The following SYNE2 variants were observed in gnomAD, a reference collection of about 807,000 sequenced individuals.
SYNE2 encodes spectrin repeat containing nuclear envelope protein 2.
A neutral mutation model predicts 856.3 loss-of-function variants in SYNE2; 431 were observed. The observed-to-expected ratio is 0.50, with a 90% CI of 0.47 to 0.55. The LOEUF (loss-of-function observed/expected upper bound fraction) is 0.55. Among genes scored for constraint, SYNE2 ranks in the 20% least tolerant of loss-of-function variants. SYNE2 has a pLI of 0.00. For synonymous variants in SYNE2, 2,923 were observed against 2,872.3 expected (o/e 1.02, Z -0.56); for missense variants, 8,129 against 8,023.2 (o/e 1.01, Z -0.50).
rs375810558 is a variant in SYNE2 at position 64,122,375 on chromosome 14, A to G, written c.13370A>G (p.His4457Arg). ...GGAGATAAGTGGCAATATCTGCATC[A>G]TGAACTCTCATCAAAAATAAAGCTC... ...QNGDKWQYLHHELSSKIKLPL... is the reference protein window; with the variant it reads ...QNGDKWQYLHRELSSKIKLPL... The change falls in exon 70 of 116, where the codon CAT becomes CGT. Residue 4457 changes from histidine to arginine, a missense_variant. His to Arg is a conservative substitution (Grantham distance 29). This residue lies in a region of SYNE2 where 5,410 missense variants were observed against 5,284.8 expected (regional missense o/e 1.02). Coordinates refer to ENST00000555002, the MANE Select transcript of SYNE2 (RefSeq NM_182914.3). 1.9e-6 allele frequency: 3 copies of G among 1,614,096 alleles called. No individual in the cohort carries two copies. The highest frequency in any genetic ancestry group is 2.7e-5 in the African/African-American group (2 of 74,934).
chr14:63,873,625 C>T (rs1382735219), intron 1 of SYNE2: 7 of 152,240 alleles, frequency 4.6e-5, no homozygotes, highest in African/African-American at 7.2e-5. Context: ...CTCCTGACCT[C>T]GTGATCCACC....
intron 1 of SYNE2, among the ~76,000 whole-genome samples, chr14:63,814,804 A>G (rs1369580753): frequency 1.6e-5 from 2 of 122,070 alleles, no homozygotes; most frequent in African/African-American, 6.3e-5. Flanking sequence ...ATATCCATAT[A>G]TATCCATATA....
At chr14:64,017,350 A>G (rs984772227) in intron 33 of SYNE2, among the ~76,000 whole-genome samples, 4 of 151,342 alleles carry the variant, frequency 2.6e-5, no homozygotes, top group East Asian at 1.9e-4. Context: ...AAAAAAAAAA[A>G]AAAGAAATTA....
intron 99 of SYNE2, among the ~76,000 whole-genome samples, chr14:64,201,440 C>T (rs961634327): frequency 3.9e-5 from 6 of 152,142 alleles, no homozygotes; most frequent in Non-Finnish European, 7.4e-5. Context: ...GGAAACTGGC[C>T]GGCTGCAGCC....
At chr14:64,077,469 G>A (rs2097473460) in intron 54 of SYNE2, among the ~76,000 whole-genome samples, 1 of 151,984 alleles carries the variant, frequency 6.6e-6, no homozygotes, top group Non-Finnish European at 1.5e-5. Flanking sequence ...CTGATATTGT[G>A]AATAGAGCCT....
chr14:63,776,562 G>A lies in SYNE2; in HGVS notation c.-305+14576G>A, dbSNP rs1456466601. On this transcript the variant is annotated intron_variant, in intron 1 of 23. Transcript: ENST00000674003. ...GCTGTCAAGTGGGCAGAGCTTTGAA[G>A]ATCACCCAAGACTGGGAATTTCTTT... Among the ~76,000 whole-genome samples, 5 of 151,240 alleles carry A rather than the reference G, an allele frequency of 3.3e-5. No individual in the cohort carries two copies. The East Asian group carries it at 7.7e-4, about 23-fold the overall frequency.
chr14:64,134,821 CAAA>C (rs775008007), intron 78 of SYNE2, among the ~76,000 whole-genome samples: 1 of 120,710 alleles, frequency 8.3e-6, no homozygotes, highest in Non-Finnish European at 1.8e-5. Flanking sequence ...TACTAAAATA[CAAA>C]AAAAAAAAAA....
intron 11 of SYNE2, among the ~76,000 whole-genome samples, chr14:63,973,952 A>G (rs966198763): frequency 5.3e-5 from 8 of 152,070 alleles, no homozygotes; most frequent in African/African-American, 1.9e-4. Flanking sequence ...AAACAATAGA[A>G]CTCAACTGGG....
In SYNE2 at chr14:64,048,096, C is replaced by A. The variant is rs764179584; in HGVS notation, c.7318C>A (p.Gln2440Lys). The A allele has an allele frequency of 1.8e-5, 29 of 1,613,536 alleles. No homozygotes were observed. In the South Asian group the frequency reaches 2.7e-4, roughly 15 times the overall value. The change falls in exon 46 of 116, where the codon CAA (glutamine) becomes AAA (lysine). Residue 2440 changes from glutamine to lysine, a missense_variant. Around this residue, in one of 3 missense-constraint regions of SYNE2, gnomAD observed 5,410 missense variants for 5,284.8 expected, o/e 1.02. Coordinates refer to ENST00000555002, the MANE Select transcript of SYNE2 (RefSeq NM_182914.3). The stretch of plus-strand genomic sequence containing the variant: ...AGATGAGCGGAAAGTCAATGAGCTG[C>A]AAAATCAACCTTTAGAATTAGATAC... ...TEDERKVNEL[Q>K]NQPLELDTML...
intron 1 of SYNE2, among the ~76,000 whole-genome samples, chr14:63,847,764 T>G (rs1890277529): frequency 6.6e-6 from 1 of 151,700 alleles, no homozygotes; most frequent in African/African-American, 2.4e-5. Context: ...TTTTGTATTT[T>G]TAGTAGAGAT....
In SYNE2 at chr14:64,224,454, A is replaced by G; in HGVS notation, c.20383-7A>G. 6.2e-7 allele frequency: 1 copy of G among 1,606,004 alleles called. No individual in the cohort carries two copies. The highest frequency in any genetic ancestry group is 8.5e-7 in the Non-Finnish European group (1 of 1,175,028). On this transcript the variant is annotated splice_region_variant and splice_polypyrimidine_tract_variant and intron_variant, in intron 113 of 115. Coordinates refer to ENST00000555002, the MANE Select transcript of SYNE2 (RefSeq NM_182914.3). ...TCTGTGCTCAACCTTTGGGGTCTGA[A>G]TTTCAGAACCCAGCCTCACCCCTGC... is the stretch of plus-strand genomic sequence containing the variant.
At chr14:64,215,977 T>G (rs866039243) in intron 107 of SYNE2, 5 of 1,390,434 alleles carry the variant, frequency 3.6e-6, no homozygotes, top group African/African-American at 2.9e-5. Context: ...TCAGTGTCCC[T>G]ACCACTCGAG....
intron 74 of SYNE2, among the ~76,000 whole-genome samples, chr14:64,129,224 T>C (rs1335844435): frequency 6.6e-6 from 1 of 152,170 alleles, no homozygotes; most frequent in African/African-American, 2.4e-5. Context: ...TGATAATTGC[T>C]TGAGCTTGGG....
intron 1 of SYNE2, among the ~76,000 whole-genome samples, chr14:63,796,556 G>T (rs560524154): frequency 4.6e-5 from 7 of 152,086 alleles, no homozygotes; most frequent in Non-Finnish European, 1.0e-4. Flanking sequence ...ATTAAATTTG[G>T]TAGTACAAAG....
rs528663348 is a variant in SYNE2 at position 64,133,079 on chromosome 14, G to A, written c.14514+641G>A. 2.6e-4 allele frequency among the ~76,000 whole-genome samples: 40 copies of A among 151,996 alleles called. No homozygotes were observed. The East Asian group carries it at 7.2e-3, about 27-fold the overall frequency. ...AAATTAGCTGGGCGTGGTGGTGGGC[G>A]CCTGTAGTCCCAGCTACTCAGGAGG... is the stretch of plus-strand genomic sequence containing the variant. On this transcript the variant is annotated intron_variant, in intron 77 of 115. Coordinates refer to ENST00000555002, the MANE Select transcript of SYNE2 (RefSeq NM_182914.3).
intron 1 of SYNE2, among the ~76,000 whole-genome samples, chr14:63,892,913 A>T (rs2095168644): frequency 6.6e-6 from 1 of 151,898 alleles, no homozygotes; most frequent in South Asian, 2.1e-4. Context: ...TCTTTTATTC[A>T]CAAAGGATTT....
chr14:64,119,519 G>A lies in SYNE2; in HGVS notation c.12933G>A (p.Glu4311=), dbSNP rs2097881887. The change falls in exon 67 of 116, where the codon GAG becomes GAA. Residue 4311 remains glutamate, a synonymous_variant. Transcript: ENST00000555002. ...GLGDNGATQH[E]AEALSLKLKT... ...GAGATAATGGAGCCACTCAACATGA[G>A]GCTGAAGCGCTTTCCCTGAAACTGA... 1 of 1,614,084 alleles carries A rather than the reference G, an allele frequency of 6.2e-7. No individual in the cohort carries two copies. The highest frequency in any genetic ancestry group is 1.7e-5 in the Admixed American group (1 of 60,000).
At chr14:63,876,905 G>A (rs1379318117) in intron 1 of SYNE2, among the ~76,000 whole-genome samples, 1 of 152,168 alleles carries the variant, frequency 6.6e-6, no homozygotes, top group Non-Finnish European at 1.5e-5. Flanking sequence ...AGAAACCACT[G>A]TCCGTGGATA....
intron 99 of SYNE2, among the ~76,000 whole-genome samples, chr14:64,200,168 A>G (rs1355507072): frequency 6.6e-6 from 1 of 152,218 alleles, no homozygotes; most frequent in East Asian, 1.9e-4. Context: ...AAAGAAAAAT[A>G]TATATAAATA....
Sources: allele counts gnomAD v4.1 joint callset (sites outside exome capture counted in the v4.1 genomes callset), GRCh38; gene constraint gnomAD v4.1.1; regional missense constraint gnomAD v4.1.1; transcripts MANE v1.5; gene names NCBI Gene and HGNC (gene_info 2026-07-23, HGNC 2026-07-21).